The following MINDY1 variants were observed in gnomAD, a reference collection of about 807,000 sequenced individuals.
The protein encoded by MINDY1 is ubiquitin carboxyl-terminal hydrolase MINDY-1.
In MINDY1, 50 loss-of-function variants were observed where a neutral mutation model predicts 53.6. The observed-to-expected ratio is 0.93, with a 90% CI of 0.74 to 1.18. The LOEUF is 1.18. MINDY1 is among the 50% of genes most tolerant of loss of function. The pLI is 0.00. For synonymous variants in MINDY1, 231 were observed against 234.7 expected, an observed-to-expected ratio of 0.98 and a Z score of 0.14; for missense variants, 484 against 578.6, an observed-to-expected ratio of 0.84 and a Z score of 1.68.
At chr1:150,997,974 A>C in intron 8 of MINDY1, 108 bp downstream of exon 8, 3 of 1,297,268 alleles carry the variant, frequency 2.3e-6, no homozygotes, top group Non-Finnish European at 3.2e-6. Context: ...GAGGTAACCC[A>C]GAGAGAGAGG....
upstream of MINDY1, among the ~76,000 whole-genome samples, chr1:151,007,175 T>C (rs1010453705): frequency 5.9e-5 from 9 of 152,080 alleles, no homozygotes; most frequent in Admixed American, 5.9e-4. Context: ...ATGAAACTGG[T>C]TGGGTTGTGC....
chr1:150,997,442 C>T (rs756972205), intron 9 of MINDY1, 75 bp from the exon 10 acceptor site: 13 of 1,548,168 alleles, frequency 8.4e-6, no homozygotes, highest in Non-Finnish European at 1.8e-6. Context: ...GAAGGGGTGT[C>T]AGGATTGGGA....
upstream of MINDY1, chr1:151,008,206 G>C: frequency 9.1e-7 from 1 of 1,094,698 alleles, no homozygotes; most frequent in African/African-American, 1.7e-5. Context: ...ATCTGAGAGG[G>C]AAAGTTCAGA....
Position 151,000,625 on chromosome 1 carries a change from G to A in MINDY1, c.577-10C>T. ...TTGCATCATCCACATTCTGGGGGTAGAAAAAAAAATGATGGAGATTCTAGC... is the reference window on the plus strand; with the variant it reads ...TTGCATCATCCACATTCTGGGGGTAAAAAAAAAAATGATGGAGATTCTAGC... On this transcript the variant is annotated splice_polypyrimidine_tract_variant and intron_variant, in intron 4 of 9. Transcript: ENST00000683666. 9 of 1,576,988 alleles carry A rather than the reference G, an allele frequency of 5.7e-6. No individual in the cohort carries two copies. The Admixed American group carries it at 7.6e-5, about 13-fold the overall frequency.
At position 151,001,326 on chromosome 1, in the gene MINDY1, G is replaced by C. The variant is rs2102845882; in HGVS notation, c.512-12C>G. On this transcript the variant is annotated splice_polypyrimidine_tract_variant and intron_variant, in intron 3 of 9. Transcript: ENST00000683666. ...CAGGAGGCAGTTTCCTACAAGACAG[G>C]GCCCCTTATCAGCTTACCCCACCAA... 1.2e-6 allele frequency: 2 copies of C among 1,613,988 alleles called. 1 individual carries two copies. The highest frequency in any genetic ancestry group is 2.2e-5 in the South Asian group (2 of 91,072).
At position 151,002,325 on chromosome 1, in the gene MINDY1, T is replaced by C; in HGVS notation, c.293A>G (p.Gln98Arg). The change falls in exon 2 of 10, where the codon CAG becomes CGG. Residue 98 changes from glutamine to arginine, a missense_variant. By Grantham distance (43) the Gln-to-Arg change is conservative (BLOSUM62 1). Coordinates refer to ENST00000683666, the MANE Select transcript of MINDY1 (RefSeq NM_001376665.1). This position sits in a 1 kb window ranked among gnomAD's most constrained non-coding sequence, Gnocchi z 4.1. ...VETIRACSMP[Q>R]ELPQSPRTRQ... ...GGTCCTGGGGGACTGAGGAAGCTCC[T>C]GGGGCATGGAGCATGCCCTTATTGT... 1.3e-5 allele frequency: 21 copies of C among 1,614,178 alleles called. No homozygotes were observed. The highest frequency in any genetic ancestry group is 1.7e-5 in the Non-Finnish European group (20 of 1,180,028).
At chr1:150,998,843 T>C (rs748144638) in intron 7 of MINDY1, among the ~76,000 whole-genome samples, 2 of 152,220 alleles carry the variant, frequency 1.3e-5, no homozygotes, top group Middle Eastern at 3.2e-3. Context: ...GCTTGCCTGA[T>C]GGCTCTTAGG....
chr1:151,003,992 G>A (rs1330824770), intron 1 of MINDY1, among the ~76,000 whole-genome samples: 2 of 151,922 alleles, frequency 1.3e-5, no homozygotes, highest in African/African-American at 4.8e-5. Flanking sequence ...GTGCGACCTC[G>A]GCTCACTGCA....
rs1156588777 is a variant in MINDY1, at chr1:150,997,146, C to T, written c.*141G>A. Reference sequence around the variant, plus strand: ...GGTCAAGGACATTACCAAGTCTGACCTTGGCATTTGTTGCCTGCTCTCATC... The same window carrying T: ...GGTCAAGGACATTACCAAGTCTGACTTTGGCATTTGTTGCCTGCTCTCATC... On this transcript the variant is annotated 3_prime_UTR_variant, in exon 10 of 10. Transcript: ENST00000683666. The T allele has an allele frequency of 8.3e-6, 7 of 839,422 alleles. No individual in the cohort carries two copies. Among genetic ancestry groups the T allele is most frequent in the Non-Finnish European group, 1.3e-5 (7 of 526,876 alleles). The allele number at this position is 839,422 out of a possible 1,614,324, so 52.0% of individuals were successfully genotyped here. A position where few individuals can be genotyped will look rare whatever the true frequency, so the allele number is the denominator to read the frequency against.
Position 150,998,205 on chromosome 1 carries a change from C to A in MINDY1, c.1050G>T (p.Leu350=). 1 of 1,614,202 alleles carries A rather than the reference C, an allele frequency of 6.2e-7. No individual in the cohort carries two copies. The highest frequency in any genetic ancestry group is 8.5e-7 in the Non-Finnish European group (1 of 1,180,048). Residue 350 remains leucine, a synonymous_variant, in exon 8 of 10, where the codon CTG becomes CTT. Transcript: ENST00000683666. ...LQEEQVVWES[L]HNVDGDSCFC... is the part of the protein sequence containing the mutation. ...AGCAGCTGTCTCCATCCACATTGTG[C>A]AGGCTCTCCCATACGACTTGCTCCT...
Position 151,001,250 on chromosome 1 carries a change from C to A in MINDY1, c.576G>T (p.Gln192His). 6.2e-7 allele frequency: 1 copy of A among 1,614,218 alleles called. No homozygotes were observed. ...TATGCCTGCAGACCTTTTGCCTCAC[C>A]TGCTGAAAATTAAGCTGAAGTCCCT... The part of the protein sequence containing the change: ...KSEGLQLNFQ[Q>H]NVDDAMTVLP... The change falls in exon 4 of 10, where the codon CAG becomes CAT. Residue 192 changes from glutamine to histidine, a missense_variant and splice_region_variant. Physicochemically the swap from Gln to His is conservative, Grantham distance 24. Coordinates refer to ENST00000683666, the MANE Select transcript of MINDY1 (RefSeq NM_001376665.1).
At position 150,997,670 on chromosome 1, in the gene MINDY1, T is replaced by C; in HGVS notation, c.1283A>G (p.Gln428Arg). 1 of 1,613,016 alleles carries C rather than the reference T, an allele frequency of 6.2e-7. No individual in the cohort carries two copies. The highest frequency in any genetic ancestry group is 8.5e-7 in the Non-Finnish European group (1 of 1,180,036). ...QLQQEEYQQQ[Q>R]AAQPVRMRTR... Reference sequence around the variant, plus strand: ...CCGCATCCGCACTGGCTGCGCTGCCTGCTGCTGTTGATACTCCTCTTGCTG... The same window carrying C: ...CCGCATCCGCACTGGCTGCGCTGCCCGCTGCTGTTGATACTCCTCTTGCTG... The change falls in exon 9 of 10, where the codon CAG becomes CGG. Residue 428 changes from glutamine to arginine, a missense_variant. By Grantham distance (43) the Gln-to-Arg change is conservative. Transcript: ENST00000683666.
rs587729829 is a variant in MINDY1, at chr1:151,006,800, T to G, written c.-578A>C. On this transcript the variant is annotated 5_prime_UTR_variant, in exon 1 of 10. Coordinates refer to ENST00000683666, the MANE Select transcript of MINDY1 (RefSeq NM_001376665.1). ...GGACTTTCTGACCCGGTCAGCAGCT[T>G]TGTGATCAGCAGAGAGGGAGCGAGA... 7.1e-6 allele frequency: 7 copies of G among 985,466 alleles called. No individual in the cohort carries two copies. The highest frequency in any genetic ancestry group is 8.4e-6 in the Non-Finnish European group (7 of 829,982). The allele number at this position is 985,466 out of a possible 1,614,324, so 61.0% of individuals were successfully genotyped here. A position where few individuals can be genotyped will look rare whatever the true frequency, so the allele number is the denominator to read the frequency against.
At position 150,997,598 on chromosome 1, in the gene MINDY1, G is replaced by C. The variant is rs587622055; in HGVS notation, c.1329+26C>G. On this transcript the variant is annotated intron_variant, in intron 9 of 9. Transcript: ENST00000683666. The stretch of plus-strand genomic sequence containing the variant: ...GCAAAGCATGAGGTGGAAACCGGGA[G>C]TGTGGGCGCCCAGGCAGCAGCCCAC... 19 of 1,604,366 alleles carry C rather than the reference G, an allele frequency of 1.2e-5. No individual in the cohort carries two copies. In the South Asian group the frequency reaches 2.0e-4, roughly 17 times the overall value.
At chr1:150,997,960 G>A in intron 8 of MINDY1, 122 bp downstream of exon 8, 1 of 1,224,260 alleles carries the variant, frequency 8.2e-7, no homozygotes, top group Admixed American at 2.5e-5. Flanking sequence ...TGAGGAGACG[G>A]TCTGAGGTAA....
Position 150,998,119 on chromosome 1 carries a change from C to G in MINDY1, c.1136G>C (p.Gly379Ala). ...CAGCTGCGTTTCTGGGGAGCCACTC[C>G]CACCTTCTGCTCCAGGCCCCTTGCC... is the stretch of plus-strand genomic sequence containing the variant. ...SLGKGPGAEG[G>A]SGSPETQLQV... Residue 379 changes from glycine (G) to alanine (A), a missense_variant, in exon 8 of 10, where the codon GGG becomes GCG. Transcript: ENST00000683666. The G allele has an allele frequency of 6.2e-7, 1 of 1,613,574 alleles. No homozygotes were observed. The highest frequency in any genetic ancestry group is 1.1e-5 in the South Asian group (1 of 91,078).
chr1:151,001,009 T>C (rs928230705), intron 4 of MINDY1, among the ~76,000 whole-genome samples: 1 of 152,140 alleles, frequency 6.6e-6, no homozygotes, highest in Non-Finnish European at 1.5e-5. Context: ...CAGGCTGGCC[T>C]CGAACTCCTG....
intron 5 of MINDY1, 40 bp from the exon 6 acceptor site, chr1:151,000,004 G>A (rs2102836390): frequency 6.7e-7 from 1 of 1,499,032 alleles, no homozygotes; most frequent in Non-Finnish European, 9.3e-7. Context: ...AAAAAATTGG[G>A]ATTTTTTTTT....
upstream of MINDY1, chr1:151,008,368 G>A (rs937109558): frequency 3.9e-6 from 5 of 1,275,684 alleles, no homozygotes; most frequent in Admixed American, 3.1e-5. Flanking sequence ...CCTTGGCCTC[G>A]CCGGAAAGAC....
Sources: allele counts gnomAD v4.1 joint callset (sites outside exome capture counted in the v4.1 genomes callset), GRCh38; gene constraint gnomAD v4.1.1; non-coding constraint Gnocchi (gnomAD v3.1); transcripts MANE v1.5; gene names NCBI Gene and HGNC (gene_info 2026-07-23, HGNC 2026-07-21).